MTA3: variants seen among roughly 807,000 people sequenced by gnomAD.
MTA3 encodes the protein metastasis associated 1 family member 3, also known as metastasis-associated protein MTA3.
Under a neutral mutation model 83.5 loss-of-function variants are expected in MTA3, and 34 were observed. That is an observed-to-expected ratio of 0.41 (90% CI 0.31 to 0.54). MTA3 has a LOEUF of 0.54. MTA3 is among the 20% of genes least tolerant of loss of function. MTA3 has a pLI of 0.33. For synonymous variants in MTA3, 303 were observed against 252.7 expected, an observed-to-expected ratio of 1.20 and a Z score of -1.89; for missense variants, 761 against 726.4, an observed-to-expected ratio of 1.05 and a Z score of -0.55.
At position 42,715,406 on chromosome 2, in the gene MTA3, CTTTT is replaced by C. The variant is rs35673744; in HGVS notation, c.1526-3561_1526-3558del. The stretch of plus-strand genomic sequence containing the variant: ...GAGACATAATTCTTGCCACCAACTA[CTTTT>C]TTTTTTTTTTTTTTTTTTTTGAGAC... On this transcript the variant is annotated intron_variant, in intron 14 of 16. Transcript: ENST00000405094. Among the ~76,000 whole-genome samples the C allele has an allele frequency of 4.4e-3, 457 of 104,170 alleles. 5 individuals are homozygous for C. The highest frequency in any genetic ancestry group is 0.011 in the South Asian group (35 of 3,178). 68.3% of individuals were successfully genotyped at this position (104,170 alleles called of 152,430 possible).
chr2:42,690,724 G>C (rs1692806545), intron 9 of MTA3, among the ~76,000 whole-genome samples: 4 of 147,172 alleles, frequency 2.7e-5, no homozygotes, highest in Admixed American at 2.7e-4. Context: ...CACCAGGCTG[G>C]AGTGCAGTGG....
chr2:42,657,921 A>C (rs1049464961), intron 7 of MTA3, among the ~76,000 whole-genome samples: 1 of 151,796 alleles, frequency 6.6e-6, no homozygotes, highest in Non-Finnish European at 1.5e-5. Context: ...ATACAAAAAA[A>C]ATTAGCTGGG....
chr2:42,719,683 T>G (rs998603885), intron 15 of MTA3, among the ~76,000 whole-genome samples: 7 of 152,178 alleles, frequency 4.6e-5, no homozygotes, highest in Non-Finnish European at 1.0e-4. Flanking sequence ...CTTAAATATT[T>G]ATAGTTTTGG....
chr2:42,570,348 A>C, intron 1 of MTA3, 89 bp from the exon 2 acceptor site: 1 of 711,300 alleles, frequency 1.4e-6, no homozygotes. Flanking sequence ...TTAATTTCAA[A>C]CGTGAAATGC....
chr2:42,580,099 A>G (rs1193543369), intron 3 of MTA3, among the ~76,000 whole-genome samples: 2 of 152,006 alleles, frequency 1.3e-5, no homozygotes, highest in East Asian at 1.9e-4. Flanking sequence ...GTGCACCACG[A>G]CACCAGGCTA....
In MTA3 at chr2:42,756,742, C is replaced by G; in HGVS notation, c.*3343C>G. The stretch of plus-strand genomic sequence containing the variant: ...CCCAGGAAGGCCATGTCCCAGTTTT[C>G]TGTCCACCCCTCCTGTTCCTCTGCA... On this transcript the variant is annotated 3_prime_UTR_variant, in exon 17 of 17. Transcript: ENST00000405094. The G allele has an allele frequency of 1.0e-6, 1 of 985,504 alleles. No homozygotes were observed. The highest frequency in any genetic ancestry group is 5.2e-4 in the Middle Eastern group (1 of 1,916). 61.0% of individuals were successfully genotyped at this position (985,504 alleles called of 1,614,324 possible).
chr2:42,494,289 C>A (rs959666623), upstream of MTA3, among the ~76,000 whole-genome samples: 8 of 152,154 alleles, frequency 5.3e-5, no homozygotes, highest in African/African-American at 1.9e-4. Context: ...CTCCCGCGTC[C>A]TGCCCTGGGC....
intron 2 of MTA3, among the ~76,000 whole-genome samples, chr2:42,577,135 A>ATATAT (rs1558451263): frequency 4.3e-5 from 4 of 93,978 alleles, no homozygotes; most frequent in African/African-American, 1.4e-4. Flanking sequence ...TATATATATA[A>ATATAT]AAATGAACTC....
At chr2:42,616,806 C>T (rs774208993) in intron 4 of MTA3, among the ~76,000 whole-genome samples, 5 of 151,602 alleles carry the variant, frequency 3.3e-5, no homozygotes, top group South Asian at 2.1e-4. Context: ...CGCAAACGAT[C>T]GCTGCTGGTC....
At chr2:42,751,141 A>T (rs577320522) in intron 16 of MTA3, among the ~76,000 whole-genome samples, 2 of 152,254 alleles carry the variant, frequency 1.3e-5, no homozygotes, top group African/African-American at 4.8e-5. Flanking sequence ...GCCACCAGCT[A>T]GCTGGCTGGA....
intron 8 of MTA3, among the ~76,000 whole-genome samples, chr2:42,667,549 A>G (rs1428920632): frequency 1.4e-5 from 2 of 144,330 alleles, no homozygotes; most frequent in African/African-American, 2.6e-5. Context: ...ACCATGTGTC[A>G]GAATTTCCAT....
intron 2 of MTA3, among the ~76,000 whole-genome samples, chr2:42,496,262 C>A (rs952746623): frequency 6.6e-6 from 1 of 152,104 alleles, no homozygotes; most frequent in Non-Finnish European, 1.5e-5. Context: ...GAGAGATAGG[C>A]TTAAATCATT....
chr2:42,658,578 A>G (rs1191819091), intron 7 of MTA3, among the ~76,000 whole-genome samples: 3 of 152,126 alleles, frequency 2.0e-5, no homozygotes, highest in East Asian at 1.9e-4. Flanking sequence ...GTGTGATTCT[A>G]TTTGAGCAAA....
At chr2:42,656,495 G>T (rs527743914) in intron 7 of MTA3, among the ~76,000 whole-genome samples, 193 bp downstream of exon 7, 1 of 152,030 alleles carries the variant, frequency 6.6e-6, no homozygotes, top group African/African-American at 2.4e-5. Context: ...GAAAATAGTT[G>T]TATTAATTTT....
chr2:42,581,048 A>G (rs1377783471), intron 3 of MTA3, among the ~76,000 whole-genome samples: 1 of 152,126 alleles, frequency 6.6e-6, no homozygotes, highest in Admixed American at 6.6e-5. Flanking sequence ...CAGGCAAGTT[A>G]GTTGTCTCAT....
intron 16 of MTA3, among the ~76,000 whole-genome samples, chr2:42,731,851 C>G (rs1481508447): frequency 6.6e-6 from 1 of 152,154 alleles, no homozygotes; most frequent in Non-Finnish European, 1.5e-5. Flanking sequence ...CAAAAGCAAG[C>G]TAATTACTTC....
intron 6 of MTA3, among the ~76,000 whole-genome samples, chr2:42,655,524 AAT>A (rs1689085981): frequency 6.6e-6 from 1 of 152,154 alleles, no homozygotes; most frequent in African/African-American, 2.4e-5. Context: ...TATAACTGTT[AAT>A]ATGTGTCTCT....
At chr2:42,709,405 TGAAGCACTTTTACCTTTTAG>T in intron 14 of MTA3, 3 of 828,774 alleles carry the variant, frequency 3.6e-6, no homozygotes, top group Non-Finnish European at 4.9e-6. Flanking sequence ...GAGCCCTTAT[TGAAGCACTTTTACCTTTTAG>T]GTAGTGCCAC....
intron 2 of MTA3, among the ~76,000 whole-genome samples, chr2:42,548,859 A>ATATATAATATATATATATATC (rs1449124929): frequency 4.5e-5 from 1 of 22,032 alleles, no homozygotes; most frequent in East Asian, 8.2e-4. Flanking sequence ...ATATATATAT[A>ATATATAATATATATATATATC]ATATATATAT....
Sources: gnomAD v4.1 joint callset for allele counts (sites outside exome capture counted in the v4.1 genomes callset) on GRCh38, gnomAD v4.1.1 for gene constraint, MANE v1.5 for transcripts, NCBI Gene and HGNC (gene_info 2026-07-23, HGNC 2026-07-21) for gene names.